Variants in OGDHL observed in about 807,000 individuals in gnomAD.
OGDHL encodes 2-oxoglutarate dehydrogenase-like, mitochondrial.
Under a neutral mutation model 109.6 loss-of-function variants are expected in OGDHL, and 79 were observed. The observed-to-expected ratio is 0.72, with a 90% CI of 0.60 to 0.87. The LOEUF is 0.87. Ranked by LOEUF, OGDHL falls within the 40% of genes least tolerant of loss-of-function variation. The probability of loss-of-function intolerance (pLI) is 0.00; values close to 1 mark genes in which losing one functional copy is unlikely to be tolerated. For synonymous variants in OGDHL, 528 were observed against 537.2 expected (o/e 0.98, Z 0.24); for missense variants, 1,275 against 1,362.2 (o/e 0.94, Z 1.01).
intron 12 of OGDHL, 21 bp downstream of exon 12, chr10:49,745,323 C>T (rs1187430468): frequency 1.2e-6 from 2 of 1,611,750 alleles, no homozygotes; most frequent in Non-Finnish European, 8.5e-7. Flanking sequence ...TCTTGGGCGC[C>T]CCTGCAGCCT....
Position 49,735,238 on chromosome 10 carries a change from T to C in OGDHL, c.3023A>G (p.Lys1008Arg), listed in dbSNP as rs1841058908. Residue 1008 changes from lysine to arginine, a missense_variant, in exon 23 of 23, where the codon AAG (lysine) becomes AGG (arginine). By Grantham distance (26) the Lys-to-Arg change is conservative. Coordinates refer to ENST00000374103, the MANE Select transcript of OGDHL (RefSeq NM_018245.3). ...AGGTTTTGCCCAGCTCTAAAATGTC[T>C]TGCCCTCAAAGGCCTGGAGATTGAA... Reference protein sequence around the residue: ...TAFNLQAFEGKTF With the variant: ...TAFNLQAFEGRTF 1 of 1,613,782 alleles carries C rather than the reference T, an allele frequency of 6.2e-7. No homozygotes were observed. Among genetic ancestry groups the C allele is most frequent in the Non-Finnish European group, 8.5e-7 (1 of 1,179,792 alleles).
intron 22 of OGDHL, 80 bp downstream of exon 22, chr10:49,735,943 A>G (rs1369787280): frequency 1.4e-5 from 20 of 1,446,210 alleles, no homozygotes; most frequent in Non-Finnish European, 1.8e-5. Context: ...AGTTCTGGGT[A>G]GCATGGCCTA....
chr10:49,747,247 C>T lies in OGDHL; in HGVS notation c.988-39G>A, dbSNP rs150627496. On this transcript the variant is annotated intron_variant, in intron 8 of 22. Coordinates refer to ENST00000374103, the MANE Select transcript of OGDHL (RefSeq NM_018245.3). Reference sequence around the variant, plus strand: ...TGGGAACATGATGGATCCTCCCCTCCCACATCAGACAGGCAGATACACAGG... The same window carrying T: ...TGGGAACATGATGGATCCTCCCCTCTCACATCAGACAGGCAGATACACAGG... The T allele has an allele frequency of 5.0e-6, 8 of 1,599,508 alleles. No homozygotes were observed. In the African/African-American group the frequency reaches 9.3e-5, roughly 19 times the overall value.
chr10:49,738,314 T>C (rs750051687), intron 17 of OGDHL, 52 bp from the exon 18 acceptor site: 3 of 1,600,410 alleles, frequency 1.9e-6, no homozygotes, highest in Non-Finnish European at 2.6e-6. Flanking sequence ...GGGAAAGACA[T>C]CTGGCCCTGC....
In OGDHL at chr10:49,749,293, CA is replaced by C. The variant is rs1279257201; in HGVS notation, c.987+432del. Among the ~76,000 whole-genome samples the C allele has an allele frequency of 2.0e-5, 3 of 152,286 alleles. No homozygotes were observed. In the East Asian group the frequency reaches 5.8e-4, roughly 29 times the overall value. ...CCCAGGGAGGGGGTGGGAGCAGGAACAACATTTCCTCAGCAGGTCGATGGGT... is the reference window on the plus strand; with the variant it reads ...CCCAGGGAGGGGGTGGGAGCAGGAACACATTTCCTCAGCAGGTCGATGGGT... On this transcript the variant is annotated intron_variant, in intron 8 of 22. Transcript: ENST00000374103.
At chr10:49,747,646 C>A (rs1842293791) in intron 8 of OGDHL, among the ~76,000 whole-genome samples, 1 of 152,202 alleles carries the variant, frequency 6.6e-6, no homozygotes, top group Admixed American at 6.5e-5. Flanking sequence ...AGACTTACAG[C>A]ATTCTACACA....
intron 4 of OGDHL, 49 bp from the exon 5 acceptor site, chr10:49,752,297 G>C: frequency 7.0e-7 from 1 of 1,430,084 alleles, no homozygotes; most frequent in Non-Finnish European, 9.8e-7. Context: ...TGGAGGGAGG[G>C]AGGTCAGGCC....
rs756350944 is a variant in OGDHL, at chr10:49,738,197, G to A, written c.2385C>T (p.Ala795=). 1.4e-5 allele frequency: 23 copies of A among 1,613,956 alleles called. No homozygotes were observed. In the Admixed American group the frequency reaches 2.5e-4, roughly 18 times the overall value. Residue 795 remains alanine, a synonymous_variant, in exon 18 of 23, where the codon GCC becomes GCT. Coordinates refer to ENST00000374103, the MANE Select transcript of OGDHL (RefSeq NM_018245.3). ...GGACAGCAGCAACACTCACAGGGTA[G>A]GCATCCGAGTCATCATTGCTCATCT... The part of the protein sequence containing the change: ...FLQMSNDDSD[A]YPAFTKDFEV...
In OGDHL at chr10:49,749,514, T is replaced by C. The variant is rs547669966; in HGVS notation, c.987+212A>G. 2.0e-5 allele frequency among the ~76,000 whole-genome samples: 3 copies of C among 152,274 alleles called. No homozygotes were observed. The East Asian group carries it at 5.8e-4, about 29-fold the overall frequency. On this transcript the variant is annotated intron_variant, in intron 8 of 22. Coordinates refer to ENST00000374103, the MANE Select transcript of OGDHL (RefSeq NM_018245.3). ...AACAGGGAGGTTGACCCAGATTATC[T>C]GAGGGCCCTCCCAGCTACCAGAGAC...
chr10:49,736,762 G>A (rs1478557658), intron 20 of OGDHL, among the ~76,000 whole-genome samples: 1 of 152,172 alleles, frequency 6.6e-6, no homozygotes, highest in Non-Finnish European at 1.5e-5. Flanking sequence ...TCACGTTTAA[G>A]GTGACCGGAG....
In OGDHL at chr10:49,747,034, T is replaced by C. The variant is rs1390392630; in HGVS notation, c.1162A>G (p.Lys388Glu). Residue 388 changes from lysine to glutamate, a missense_variant, in exon 9 of 23, where the codon AAG becomes GAG. Physicochemically the swap from Lys to Glu is moderately conservative, Grantham distance 56. Coordinates refer to ENST00000374103, the MANE Select transcript of OGDHL (RefSeq NM_018245.3). ...EQFYRGDAQG[K>E]KVMSILVHGD... is the part of the protein sequence containing the mutation. ...GTTCCCCCAGGTGAGCTCACCTTCT[T>C]GCCCTGGGCATCTCCACGGTAGAAC... is the stretch of plus-strand genomic sequence containing the variant. The C allele has an allele frequency of 6.2e-7, 1 of 1,613,908 alleles. No homozygotes were observed. The highest frequency in any genetic ancestry group is 8.5e-7 in the Non-Finnish European group (1 of 1,179,810).
chr10:49,752,350 A>G, intron 4 of OGDHL, 102 bp from the exon 5 acceptor site: 1 of 888,030 alleles, frequency 1.1e-6, no homozygotes, highest in Non-Finnish European at 1.8e-6. Context: ...CAGTCTCCCC[A>G]GTGCCCTCCC....
chr10:49,743,399 G>A lies in OGDHL; in HGVS notation c.1862-421C>T, dbSNP rs531210703. On this transcript the variant is annotated intron_variant, in intron 14 of 22. Transcript: ENST00000374103. Reference sequence around the variant, plus strand: ...CAGCTGCCCCAGGACATTCGGTCTCGGTGCACACTGTAAGGGAACCCCCTC... The same window carrying A: ...CAGCTGCCCCAGGACATTCGGTCTCAGTGCACACTGTAAGGGAACCCCCTC... Among the ~76,000 whole-genome samples the A allele has an allele frequency of 1.8e-3, 275 of 152,236 alleles. 1 individual carries two copies. Among genetic ancestry groups the A allele is most frequent in the African/African-American group, 5.6e-3 (231 of 41,548 alleles).
At position 49,742,902 on chromosome 10, in the gene OGDHL, C is replaced by T. The variant is rs1340059956; in HGVS notation, c.1938G>A (p.Met646Ile). 2.3e-5 allele frequency: 37 copies of T among 1,613,952 alleles called. No individual in the cohort carries two copies. The highest frequency in any genetic ancestry group is 1.6e-4 in the Middle Eastern group (1 of 6,078). ...CTTCCTTCAGCAGGGAGCCAAAGGC[C>T]ATGTACTCTGCCAACGCCCAGTCCA... ...RTVDWALAEY[M>I]AFGSLLKEGI... is the part of the protein sequence containing the mutation. The change falls in exon 15 of 23, where the codon ATG (methionine) becomes ATA (isoleucine). Residue 646 changes from methionine to isoleucine, a missense_variant. Transcript: ENST00000374103.
intron 6 of OGDHL, 27 bp downstream of exon 6, chr10:49,751,800 C>T (rs752332288): frequency 6.2e-7 from 1 of 1,609,654 alleles, no homozygotes; most frequent in Admixed American, 1.7e-5. Context: ...GGACCTCCAG[C>T]CACTTGGCCC....
At chr10:49,739,507 T>A (rs894562412) in intron 17 of OGDHL, 154 bp downstream of exon 17, 1 of 811,574 alleles carries the variant, frequency 1.2e-6, no homozygotes, top group Non-Finnish European at 1.8e-6. Flanking sequence ...AGCTGCAGCA[T>A]GCACATGTGC....
chr10:49,744,074 G>A lies in OGDHL; in HGVS notation c.1781C>T (p.Thr594Met), dbSNP rs772696533. ...GEPKSMTCPA[T>M]GIPEDMLTHI... ...GGTGAGCATGTCCTCAGGGATCCCCGTGGCTGGGCATGTCATGCTCTTGGG... is the reference window on the plus strand; with the variant it reads ...GGTGAGCATGTCCTCAGGGATCCCCATGGCTGGGCATGTCATGCTCTTGGG... The change falls in exon 14 of 23, where the codon ACG becomes ATG. Residue 594 changes from threonine (T) to methionine (M), a missense_variant. Coordinates refer to ENST00000374103, the MANE Select transcript of OGDHL (RefSeq NM_018245.3). 1.6e-5 allele frequency: 26 copies of A among 1,613,978 alleles called. No individual in the cohort carries two copies. In the Middle Eastern group the frequency reaches 6.6e-4, roughly 41 times the overall value.
Position 49,738,185 on chromosome 10 carries a change from A to C in OGDHL, c.2391+6T>G. 1.2e-6 allele frequency: 2 copies of C among 1,614,054 alleles called. No homozygotes were observed. The highest frequency in any genetic ancestry group is 1.7e-6 in the Non-Finnish European group (2 of 1,180,002). The stretch of plus-strand genomic sequence containing the variant: ...TCCCTGTCCTGGGGACAGCAGCAAC[A>C]CTCACAGGGTAGGCATCCGAGTCAT... On this transcript the variant is annotated splice_donor_region_variant and intron_variant, in intron 18 of 22. Coordinates refer to ENST00000374103, the MANE Select transcript of OGDHL (RefSeq NM_018245.3).
chr10:49,738,421 CAA>C, intron 17 of OGDHL, 159 bp from the exon 18 acceptor site: 1 of 683,476 alleles, frequency 1.5e-6, no homozygotes, highest in African/African-American at 1.8e-5. Flanking sequence ...GAATGTGGAA[CAA>C]GAGCAGAATG....
Sources: gnomAD v4.1 joint callset for allele counts (sites outside exome capture counted in the v4.1 genomes callset) on GRCh38, gnomAD v4.1.1 for gene constraint, MANE v1.5 for transcripts, NCBI Gene and HGNC (gene_info 2026-07-23, HGNC 2026-07-21) for gene names.